Variants in RGS6 observed in about 807,000 individuals in gnomAD.
RGS6 encodes regulator of G-protein signaling 6.
A neutral mutation model predicts 78.5 loss-of-function variants in RGS6; 30 were observed. The ratio of observed to expected loss-of-function variants is 0.38; its 90% confidence interval spans 0.29 to 0.52. The LOEUF is 0.52. Ranked by LOEUF, RGS6 falls within the 20% of genes least tolerant of loss-of-function variation. RGS6 has a pLI of 0.85. For missense variants in RGS6, 495 were observed against 609.7 expected (o/e 0.81, Z 1.98); for synonymous variants, 206 against 206.0 (o/e 1.00, Z 0.00).
At chr14:72,052,925 T>TTTTCTTTCTTTCTTTCTTTCTTTCTTTC (rs759527358) in intron 2 of RGS6, among the ~76,000 whole-genome samples, 3 of 120,330 alleles carry the variant, frequency 2.5e-5, no homozygotes, top group Non-Finnish European at 5.6e-5. Flanking sequence ...TTCATTGTAT[T>TTTTCTTTCTTTCTTTCTTTCTTTCTTTC]TTTCTTTCTT....
At chr14:71,934,004 A>G (rs1430031380) in intron 1 of RGS6, among the ~76,000 whole-genome samples, 1 of 152,226 alleles carries the variant, frequency 6.6e-6, no homozygotes, top group African/African-American at 2.4e-5. Flanking sequence ...CGGCTCTTAC[A>G]TATCAATTTT....
intron 2 of RGS6, among the ~76,000 whole-genome samples, chr14:72,050,041 C>T (rs2093130629): frequency 6.6e-6 from 1 of 152,006 alleles, no homozygotes; most frequent in Admixed American, 6.5e-5. Context: ...GTCAACAAGA[C>T]AGTAAACTTG....
chr14:72,067,076 G>A (rs974120816), intron 2 of RGS6, among the ~76,000 whole-genome samples: 34 of 152,110 alleles, frequency 2.2e-4, no homozygotes, highest in Non-Finnish European at 4.6e-4. Flanking sequence ...GGGCATTTGG[G>A]TTGGTTCCAA....
chr14:71,981,999 T>C (rs1595627104), intron 2 of RGS6, among the ~76,000 whole-genome samples: 3 of 152,234 alleles, frequency 2.0e-5, no homozygotes, highest in South Asian at 4.2e-4. Context: ...TGCGCCGTTT[T>C]TTAAGCCCGT....
chr14:72,540,033 TCCTAAAG>T lies in RGS6; in HGVS notation c.1369-5_1370del. ...TTTTCTCCCTACCCTTTTTTTTTTT[TCCTAAAG>T]CCAGAAAGTGAGCAAGGTCGTAGAA... On this transcript the variant is annotated splice_acceptor_variant and splice_polypyrimidine_tract_variant and intron_variant, in intron 16 of 17. Coordinates refer to ENST00000553525, the MANE Select transcript of RGS6 (RefSeq NM_001204424.2). LOFTEE classifies it high-confidence loss of function. The T allele has an allele frequency of 1.9e-6, 3 of 1,563,514 alleles. No individual in the cohort carries two copies. The highest frequency in any genetic ancestry group is 2.0e-5 in the Admixed American group (1 of 51,122).
rs1389899777 is a variant in RGS6 at position 72,369,554 on chromosome 14, T to C, written c.184+17360T>C. Among the ~76,000 whole-genome samples, 5 of 152,248 alleles carry C rather than the reference T, an allele frequency of 3.3e-5. No individual in the cohort carries two copies. The South Asian group carries it at 1.0e-3, about 31-fold the overall frequency. On this transcript the variant is annotated intron_variant, in intron 3 of 17. Transcript: ENST00000553525. Reference sequence around the variant, plus strand: ...GTTTAAAGTAGATGACACAATGATTTTTTTTAGAAAAATTGTGATTCATTA... The same window carrying C: ...GTTTAAAGTAGATGACACAATGATTCTTTTTAGAAAAATTGTGATTCATTA...
At chr14:72,354,725 C>T (rs1319358601) in intron 3 of RGS6, among the ~76,000 whole-genome samples, 1 of 152,108 alleles carries the variant, frequency 6.6e-6, no homozygotes, top group Non-Finnish European at 1.5e-5. Context: ...CCCCAAAGGA[C>T]TCCTAATGCC....
chr14:72,207,479 T>G (rs1322562160), intron 2 of RGS6, among the ~76,000 whole-genome samples: 1 of 152,230 alleles, frequency 6.6e-6, no homozygotes, highest in Non-Finnish European at 1.5e-5. Flanking sequence ...ATGCCTAATC[T>G]CTGTCATTGT....
At chr14:72,047,190 G>A (rs2092915596) in intron 2 of RGS6, among the ~76,000 whole-genome samples, 1 of 152,172 alleles carries the variant, frequency 6.6e-6, no homozygotes, top group Admixed American at 6.5e-5. Flanking sequence ...AACTGGACTG[G>A]TAATCTACTG....
intron 2 of RGS6, among the ~76,000 whole-genome samples, chr14:72,256,760 C>G (rs942544238): frequency 6.6e-6 from 1 of 152,146 alleles, no homozygotes; most frequent in Non-Finnish European, 1.5e-5. Context: ...ATGGAGTGAG[C>G]TATTTTGCTG....
chr14:72,337,444 T>C (rs913773345), intron 2 of RGS6, among the ~76,000 whole-genome samples: 1 of 152,102 alleles, frequency 6.6e-6, no homozygotes, highest in Non-Finnish European at 1.5e-5. Flanking sequence ...AAGGACCCTA[T>C]TGTTTAGAGC....
intron 2 of RGS6, among the ~76,000 whole-genome samples, chr14:72,126,983 G>T (rs1022595168): frequency 1.1e-4 from 17 of 152,176 alleles, no homozygotes; most frequent in Admixed American, 9.2e-4. Flanking sequence ...GAGGTTGGGG[G>T]TATATGTGTG....
intron 2 of RGS6, among the ~76,000 whole-genome samples, chr14:72,200,828 C>G (rs2041330447): frequency 2.0e-5 from 3 of 151,928 alleles, no homozygotes; most frequent in Admixed American, 6.6e-5. Flanking sequence ...GAGTCAAATG[C>G]TCTTTGGGAT....
chr14:72,073,111 T>C (rs2094463221), intron 2 of RGS6, among the ~76,000 whole-genome samples: 1 of 152,244 alleles, frequency 6.6e-6, no homozygotes, highest in African/African-American at 2.4e-5. Flanking sequence ...TGTGTGGCCT[T>C]AGTTAAGTTT....
At chr14:72,548,346 C>CGCGTGT (rs1555467801) in intron 17 of RGS6, among the ~76,000 whole-genome samples, 2 of 124,054 alleles carry the variant, frequency 1.6e-5, no homozygotes, top group Non-Finnish European at 3.2e-5. Context: ...TGTGTGTGCG[C>CGCGTGT]GCGTGTGTGT....
rs565039727 is a variant in RGS6, at chr14:72,181,831, A to G, written c.85-170264A>G. On this transcript the variant is annotated intron_variant, in intron 2 of 17. Coordinates refer to ENST00000553525, the MANE Select transcript of RGS6 (RefSeq NM_001204424.2). ...CTATGTGCCTAATAGAGTCAGAGTG[A>G]CGCACATTAAAATTAACTAGAGTTA... Among the ~76,000 whole-genome samples, 11 of 152,278 alleles carry G rather than the reference A, an allele frequency of 7.2e-5. No individual in the cohort carries two copies. The South Asian group carries it at 2.3e-3, about 32-fold the overall frequency.
At chr14:71,985,421 T>A (rs2094662515) in intron 2 of RGS6, among the ~76,000 whole-genome samples, 1 of 152,208 alleles carries the variant, frequency 6.6e-6, no homozygotes, top group Non-Finnish European at 1.5e-5. Context: ...CGCACCTGGC[T>A]ATCATAGTTT....
At chr14:72,596,583 A>C in the RGS6 span, among the ~76,000 whole-genome samples, 1 of 152,206 alleles carries the variant, frequency 6.6e-6, no homozygotes, top group African/African-American at 2.4e-5. Context: ...AAAAAAGTTC[A>C]GGAAATGAAG....
intron 2 of RGS6, among the ~76,000 whole-genome samples, chr14:72,223,163 G>A (rs1409974790): frequency 6.6e-6 from 1 of 152,162 alleles, no homozygotes; most frequent in East Asian, 1.9e-4. Flanking sequence ...GAAAACAAAT[G>A]ATCAGTCTGT....
Sources: allele counts gnomAD v4.1 joint callset (sites outside exome capture counted in the v4.1 genomes callset), GRCh38; gene constraint gnomAD v4.1.1; transcripts MANE v1.5; gene names NCBI Gene and HGNC (gene_info 2026-07-23, HGNC 2026-07-21).